The following MTMR7 variants were observed in gnomAD, a reference collection of about 807,000 sequenced individuals.
MTMR7 encodes phosphatidylinositol-3-phosphate phosphatase MTMR7.
In MTMR7, 76 loss-of-function variants were observed where a neutral mutation model predicts 81.2. The ratio of observed to expected loss-of-function variants is 0.94; its 90% confidence interval spans 0.78 to 1.13. MTMR7 has a LOEUF of 1.13. MTMR7 is among the 50% of genes most tolerant of loss of function. The pLI, the probability that MTMR7 is intolerant of heterozygous loss-of-function variation, is 0.00. For missense variants in MTMR7, 1,044 were observed against 820.0 expected (o/e 1.27, Z -3.34); for synonymous variants, 372 against 289.8 (o/e 1.28, Z -2.88).
intron 4 of MTMR7, among the ~76,000 whole-genome samples, chr8:17,350,477 A>G (rs1211961202): frequency 6.6e-6 from 1 of 152,184 alleles, no homozygotes; most frequent in African/African-American, 2.4e-5. Flanking sequence ...ATTCACTATC[A>G]TGAGAACACC....
intron 5 of MTMR7, among the ~76,000 whole-genome samples, chr8:17,348,020 G>A (rs13268203): frequency 0.012 from 1,796 of 152,238 alleles, 18 homozygotes; most frequent in Non-Finnish European, 0.02. Context: ...GTACCTGAAG[G>A]CTAAGTGGGG....
At chr8:17,316,683 T>C (rs1267280521) in intron 7 of MTMR7, among the ~76,000 whole-genome samples, 7 of 152,066 alleles carry the variant, frequency 4.6e-5, no homozygotes, top group East Asian at 3.9e-4. Context: ...CAAAAAATAA[T>C]GGTAATAGAA....
rs148463015 is a variant in MTMR7, at chr8:17,300,442, G to T, written c.1621-218C>A. ...AAGGATAATACCTGCCTTGACATAG[G>T]TTTTCTATAATAATAAACAATATAG... On this transcript the variant is annotated intron_variant, in intron 13 of 13. Coordinates refer to ENST00000180173, the MANE Select transcript of MTMR7 (RefSeq NM_004686.5). 6.6e-5 allele frequency among the ~76,000 whole-genome samples: 10 copies of T among 152,228 alleles called. No homozygotes were observed. In the East Asian group the frequency reaches 1.9e-3, roughly 29 times the overall value.
intron 12 of MTMR7, among the ~76,000 whole-genome samples, chr8:17,302,787 C>T (rs905856400): frequency 7.2e-6 from 1 of 138,168 alleles, no homozygotes; most frequent in African/African-American, 2.6e-5. Flanking sequence ...ATATCGGCTC[C>T]TTGCAACCTC....
chr8:17,397,883 C>A (rs760549963), intron 1 of MTMR7, among the ~76,000 whole-genome samples: 47 of 152,156 alleles, frequency 3.1e-4, no homozygotes, highest in Non-Finnish European at 5.6e-4. Context: ...AGAGAGAATA[C>A]ATTTGTTTGG....
At chr8:17,361,058 C>A (rs751988900) in intron 4 of MTMR7, 59 bp downstream of exon 4, 357 of 1,582,006 alleles carry the variant, frequency 2.3e-4, no homozygotes, top group Non-Finnish European at 2.9e-4. Flanking sequence ...TAAAGGGATG[C>A]TAAGCTGGCT....
intron 1 of MTMR7, among the ~76,000 whole-genome samples, chr8:17,393,494 A>T (rs1259665310): frequency 6.6e-6 from 1 of 152,240 alleles, no homozygotes; most frequent in East Asian, 1.9e-4. Flanking sequence ...TAGTACCCCA[A>T]ATCCATAAAG....
chr8:17,358,490 CAA>C (rs1819964031), intron 4 of MTMR7, among the ~76,000 whole-genome samples: 1 of 152,064 alleles, frequency 6.6e-6, no homozygotes, highest in Non-Finnish European at 1.5e-5. Context: ...ATCAATTGAG[CAA>C]AGAGACCAAA....
chr8:17,321,695 C>G (rs1818395834), intron 7 of MTMR7, among the ~76,000 whole-genome samples: 4 of 152,188 alleles, frequency 2.6e-5, no homozygotes, highest in Non-Finnish European at 5.9e-5. Flanking sequence ...CCAATATTTA[C>G]AAACCATTTT....
chr8:17,319,334 G>A (rs994480393), intron 7 of MTMR7, among the ~76,000 whole-genome samples: 3 of 152,176 alleles, frequency 2.0e-5, no homozygotes, highest in Non-Finnish European at 4.4e-5. Flanking sequence ...GAAGATTCCC[G>A]AAAATGGTAG....
At chr8:17,327,828 A>G (rs1218714426) in intron 7 of MTMR7, among the ~76,000 whole-genome samples, 3 of 152,204 alleles carry the variant, frequency 2.0e-5, no homozygotes, top group African/African-American at 7.2e-5. Flanking sequence ...TACCAGAGCA[A>G]ATTTACATGT....
At chr8:17,374,358 C>A (rs1470381674) in intron 1 of MTMR7, among the ~76,000 whole-genome samples, 1 of 152,104 alleles carries the variant, frequency 6.6e-6, no homozygotes, top group African/African-American at 2.4e-5. Flanking sequence ...AGCGGTGGCT[C>A]ACGCCTGTAA....
chr8:17,321,120 G>A (rs1818369316), intron 7 of MTMR7, among the ~76,000 whole-genome samples: 1 of 152,138 alleles, frequency 6.6e-6, no homozygotes, highest in East Asian at 1.9e-4. Context: ...AAGCTCTGAC[G>A]CTTAGCCCAG....
At chr8:17,369,008 G>T (rs1820323437) in intron 3 of MTMR7, among the ~76,000 whole-genome samples, 1 of 152,174 alleles carries the variant, frequency 6.6e-6, no homozygotes, top group South Asian at 2.1e-4. Flanking sequence ...CTATCTCTGG[G>T]CCATGACCCT....
intron 12 of MTMR7, 108 bp downstream of exon 12, chr8:17,304,271 C>T: frequency 7.9e-7 from 1 of 1,259,024 alleles, no homozygotes; most frequent in Non-Finnish European, 1.1e-6. Context: ...CTTTTGTGTC[C>T]AATAAAAGCC....
intron 3 of MTMR7, among the ~76,000 whole-genome samples, chr8:17,368,238 C>T (rs935941084): frequency 2.6e-5 from 4 of 152,146 alleles, no homozygotes; most frequent in African/African-American, 4.8e-5. Flanking sequence ...GTAGAGCTCA[C>T]GCTTGCACGC....
At chr8:17,376,878 A>C (rs2150569242) in intron 1 of MTMR7, among the ~76,000 whole-genome samples, 1 of 152,174 alleles carries the variant, frequency 6.6e-6, no homozygotes, top group South Asian at 2.1e-4. Flanking sequence ...TTGTTTTTTT[A>C]ACTCTAGCCC....
intron 1 of MTMR7, among the ~76,000 whole-genome samples, chr8:17,396,163 A>C (rs1161698090): frequency 6.6e-6 from 1 of 152,168 alleles, no homozygotes; most frequent in African/African-American, 2.4e-5. Flanking sequence ...ATGGGGATGG[A>C]AAGAGAGATG....
At chr8:17,373,041 G>A (rs893673366) in intron 2 of MTMR7, 77 bp downstream of exon 2, 3 of 1,559,402 alleles carry the variant, frequency 1.9e-6, no homozygotes, top group Middle Eastern at 1.7e-4. Context: ...TCACCCTGAG[G>A]AAAAATGAAT....
Sources: allele counts gnomAD v4.1 joint callset (sites outside exome capture counted in the v4.1 genomes callset), GRCh38; gene constraint gnomAD v4.1.1; transcripts MANE v1.5; gene names NCBI Gene and HGNC (gene_info 2026-07-23, HGNC 2026-07-21).